Variants in FAIM2 observed in about 807,000 individuals in gnomAD.
FAIM2 encodes the protein Fas apoptotic inhibitory molecule 2.
In FAIM2, 27 loss-of-function variants were observed where a neutral mutation model predicts 47.4. That is an observed-to-expected ratio of 0.57 (90% confidence interval 0.42 to 0.78). The LOEUF (loss-of-function observed/expected upper bound fraction) is 0.78. Among genes scored for constraint, FAIM2 ranks in the 30% least tolerant of loss-of-function variants. The pLI is 0.00. For synonymous variants in FAIM2, 156 were observed against 159.3 expected, an observed-to-expected ratio of 0.98 and a Z score of 0.16; for missense variants, 311 against 389.4, an observed-to-expected ratio of 0.80 and a Z score of 1.69.
At chr12:49,890,983 T>C in intron 6 of FAIM2, 81 bp downstream of exon 6, 1 of 1,398,430 alleles carries the variant, frequency 7.2e-7, no homozygotes, top group Non-Finnish European at 1.0e-6. Context: ...CACAGCTCAC[T>C]GGTGGCTGGC....
In FAIM2 at chr12:49,890,689, G is replaced by A. The variant is rs149875639; in HGVS notation, c.519C>T (p.Thr173=). 1.4e-4 allele frequency: 221 copies of A among 1,613,876 alleles called. No individual in the cohort carries two copies. In the African/African-American group the frequency reaches 1.9e-3, roughly 14 times the overall value. Residue 173 remains threonine, a synonymous_variant, in exon 7 of 12, where the codon ACC becomes ACT. Coordinates refer to ENST00000320634, the MANE Select transcript of FAIM2 (RefSeq NM_012306.4). The stretch of plus-strand genomic sequence containing the variant: ...CACACCCAGGATCACTTACAAAGAC[G>A]GTCAGGAGAATCAGGTTCCAGGGGA... ...RHFPWNLILL[T]VFTLSMAYLT...
chr12:49,871,133 C>G (rs376982613), intron 11 of FAIM2, among the ~76,000 whole-genome samples: 239 of 152,326 alleles, frequency 1.6e-3, no homozygotes, highest in African/African-American at 5.1e-3. Flanking sequence ...GGCCCGGGCA[C>G]TTGTGCTGTA....
intron 11 of FAIM2, among the ~76,000 whole-genome samples, chr12:49,876,688 C>A (rs911851063): frequency 6.6e-6 from 1 of 151,812 alleles, no homozygotes; most frequent in Non-Finnish European, 1.5e-5. Context: ...AGGAGAATGG[C>A]GTGAACCCAG....
chr12:49,885,760 C>T (rs1014458229), intron 11 of FAIM2, among the ~76,000 whole-genome samples: 2 of 152,178 alleles, frequency 1.3e-5, no homozygotes, highest in Non-Finnish European at 2.9e-5. Flanking sequence ...GATCTCAGCC[C>T]TCCAGTTCCA....
intron 5 of FAIM2, among the ~76,000 whole-genome samples, chr12:49,891,771 G>A (rs1049059317): frequency 6.6e-6 from 1 of 152,220 alleles, no homozygotes; most frequent in African/African-American, 2.4e-5. Flanking sequence ...GCAGGAAGTG[G>A]CACCTGTCGG....
chr12:49,875,922 G>A (rs1311506365), intron 11 of FAIM2, among the ~76,000 whole-genome samples: 1 of 152,158 alleles, frequency 6.6e-6, no homozygotes, highest in African/African-American at 2.4e-5. Context: ...GTTCCAGTAA[G>A]CCAAGATCAC....
intron 11 of FAIM2, among the ~76,000 whole-genome samples, chr12:49,879,921 T>C (rs993026939): frequency 6.6e-6 from 1 of 151,894 alleles, no homozygotes; most frequent in Admixed American, 6.5e-5. Flanking sequence ...TGTGTGCATA[T>C]GTGTATGTAT....
At chr12:49,881,263 C>T (rs1946824002) in intron 11 of FAIM2, among the ~76,000 whole-genome samples, 2 of 152,080 alleles carry the variant, frequency 1.3e-5, no homozygotes, top group East Asian at 1.9e-4. Flanking sequence ...TCTCACTAAT[C>T]TTCCTTAAAG....
intron 11 of FAIM2, 139 bp downstream of exon 11, chr12:49,887,247 A>T: frequency 1.4e-6 from 1 of 728,144 alleles, no homozygotes; most frequent in Non-Finnish European, 2.4e-6. Flanking sequence ...AAACAAACGC[A>T]GCACCGAGCC....
chr12:49,880,360 ATATGTGCATGTGTATG>A (rs1486030552), intron 11 of FAIM2, among the ~76,000 whole-genome samples: 2 of 138,540 alleles, frequency 1.4e-5, no homozygotes, highest in Non-Finnish European at 3.2e-5. Flanking sequence ...GCATGTATGT[ATATGTGCATGTGTATG>A]TGTGTCTATG....
chr12:49,878,514 G>C (rs984448528), intron 11 of FAIM2, among the ~76,000 whole-genome samples: 3 of 60,790 alleles, frequency 4.9e-5, no homozygotes, highest in African/African-American at 2.9e-4. Flanking sequence ...GTATATGTGT[G>C]CATATGACTG....
intron 11 of FAIM2, among the ~76,000 whole-genome samples, chr12:49,880,168 ATG>A (rs1491512937): frequency 1.0e-3 from 22 of 21,376 alleles, no homozygotes; most frequent in Admixed American, 2.1e-3. Flanking sequence ...GCATGTGTGT[ATG>A]TGTGTGTATG....
chr12:49,897,134 C>A (rs762664400), intron 4 of FAIM2, 50 bp from the exon 5 acceptor site: 8 of 1,442,890 alleles, frequency 5.5e-6, no homozygotes, highest in Non-Finnish European at 7.8e-6. Flanking sequence ...CCCTAGGTCT[C>A]CATTTCTGGT....
chr12:49,888,862 C>T (rs1016629994), intron 10 of FAIM2, among the ~76,000 whole-genome samples: 4 of 152,208 alleles, frequency 2.6e-5, no homozygotes, highest in Non-Finnish European at 4.4e-5. Flanking sequence ...CAGAGGAGGA[C>T]GGGAAAAGTG....
intron 11 of FAIM2, among the ~76,000 whole-genome samples, chr12:49,883,319 G>A (rs1159469676): frequency 6.6e-6 from 1 of 152,108 alleles, no homozygotes; most frequent in Non-Finnish European, 1.5e-5. Context: ...CTGGGACAGG[G>A]AGTAGCCATG....
At chr12:49,876,323 A>G (rs1306416132) in intron 11 of FAIM2, among the ~76,000 whole-genome samples, 1 of 152,256 alleles carries the variant, frequency 6.6e-6, no homozygotes, top group Non-Finnish European at 1.5e-5. Context: ...AAGACGTTAC[A>G]TAACTCGGTG....
At chr12:49,880,240 GT>G (rs1946803346) in intron 11 of FAIM2, among the ~76,000 whole-genome samples, 1 of 151,520 alleles carries the variant, frequency 6.6e-6, no homozygotes, top group Non-Finnish European at 1.5e-5. Context: ...ATGTGTGTAT[GT>G]GTATGTTCAT....
chr12:49,881,150 A>G (rs1302232393), intron 11 of FAIM2, among the ~76,000 whole-genome samples: 2 of 152,188 alleles, frequency 1.3e-5, no homozygotes, highest in African/African-American at 4.8e-5. Context: ...TGCAGCATCC[A>G]GTACTGACCA....
intron 5 of FAIM2, among the ~76,000 whole-genome samples, chr12:49,895,778 G>T (rs549414224): frequency 6.6e-6 from 1 of 152,170 alleles, no homozygotes. Flanking sequence ...GGTCCAGGGG[G>T]CTCTGGGCTG....
Sources: allele counts gnomAD v4.1 joint callset (sites outside exome capture counted in the v4.1 genomes callset), GRCh38; gene constraint gnomAD v4.1.1; transcripts MANE v1.5; gene names NCBI Gene and HGNC (gene_info 2026-07-23, HGNC 2026-07-21).